The following CARMIL1 variants were observed in gnomAD, a reference collection of about 807,000 sequenced individuals.
CARMIL1 encodes capping protein regulator and myosin 1 linker 1.
A neutral mutation model predicts 177.1 loss-of-function variants in CARMIL1; 90 were observed. The ratio of observed to expected loss-of-function variants is 0.51; its 90% CI spans 0.43 to 0.61. The LOEUF is 0.61. CARMIL1 is among the 20% of genes least tolerant of loss of function. The probability of loss-of-function intolerance (pLI) is 0.00; values close to 1 mark genes in which losing one functional copy is unlikely to be tolerated. For synonymous variants in CARMIL1, 577 were observed against 606.2 expected, an observed-to-expected ratio of 0.95 and a Z score of 0.71; for missense variants, 1,380 against 1,667.0, an observed-to-expected ratio of 0.83 and a Z score of 3.00.
chr6:25,513,291 A>G (rs898737356), intron 20 of CARMIL1, among the ~76,000 whole-genome samples: 5 of 152,150 alleles, frequency 3.3e-5, no homozygotes, highest in African/African-American at 7.2e-5. Context: ...AAGTGTTTTT[A>G]GTTGTCATTT....
intron 2 of CARMIL1, among the ~76,000 whole-genome samples, chr6:25,293,265 G>GGGGTGTGTGT (rs758708389): frequency 7.4e-6 from 1 of 134,300 alleles, no homozygotes; most frequent in East Asian, 2.2e-4. Context: ...AAGGATGCTT[G>GGGGTGTGTGT]GTGTGTGTGT....
chr6:25,513,468 A>G (rs1805649365), intron 20 of CARMIL1, among the ~76,000 whole-genome samples: 1 of 152,140 alleles, frequency 6.6e-6, no homozygotes, highest in Non-Finnish European at 1.5e-5. Flanking sequence ...TTACCTTTTG[A>G]TTTTACCATA....
intron 11 of CARMIL1, among the ~76,000 whole-genome samples, chr6:25,474,366 C>G (rs866731835): frequency 1.3e-5 from 2 of 152,042 alleles, no homozygotes. Flanking sequence ...CCACCCACCT[C>G]GGCCTCCCAA....
At chr6:25,396,180 T>A (rs56125342) in intron 2 of CARMIL1, among the ~76,000 whole-genome samples, 63,454 of 151,558 alleles carry the variant, frequency 0.42, 13,450 homozygotes, top group Middle Eastern at 0.58. Flanking sequence ...TTTTTTTTTT[T>A]AAGACTGTCT....
intron 2 of CARMIL1, among the ~76,000 whole-genome samples, chr6:25,333,106 CA>C (rs1297894847): frequency 6.6e-6 from 1 of 152,166 alleles, no homozygotes; most frequent in Non-Finnish European, 1.5e-5. Context: ...CCCAGAAAAG[CA>C]GAGATTCTAC....
At chr6:25,508,435 G>T (rs1048125483) in intron 17 of CARMIL1, among the ~76,000 whole-genome samples, 2 of 152,194 alleles carry the variant, frequency 1.3e-5, no homozygotes, top group Admixed American at 6.5e-5. Context: ...GGTGGCACAT[G>T]CCTGTAATTC....
chr6:25,620,063 TGTA>T lies in CARMIL1; in HGVS notation c.*481_*483del, dbSNP rs1405192873. 3 of 152,858 alleles carry T rather than the reference TGTA, an allele frequency of 2.0e-5. No homozygotes were observed. Among genetic ancestry groups the T allele is most frequent in the African/African-American group, 7.2e-5 (3 of 41,470 alleles). 9.5% of individuals were successfully genotyped at this position (152,858 alleles called of 1,614,324 possible). ...ACTCAATATAGCAATTTATTCTTGATGTATGCAATTGCACATTGTAATTATATT... is the reference window on the plus strand; with the variant it reads ...ACTCAATATAGCAATTTATTCTTGATTGCAATTGCACATTGTAATTATATT... On this transcript the variant is annotated 3_prime_UTR_variant, in exon 37 of 37. Transcript: ENST00000329474.
rs375199261 is a variant in CARMIL1, at chr6:25,381,901, G to A, written c.139-38213G>A. Among the ~76,000 whole-genome samples, 10 of 151,860 alleles carry A rather than the reference G, an allele frequency of 6.6e-5. No individual in the cohort carries two copies. The East Asian group carries it at 7.8e-4, about 12-fold the overall frequency. The stretch of plus-strand genomic sequence containing the variant: ...GCTGAAAGTTCATTCCTCAAATTTC[G>A]TGGTTGGTTCCCCTGGCAACCACCA... On this transcript the variant is annotated intron_variant, in intron 2 of 36. Coordinates refer to ENST00000329474, the MANE Select transcript of CARMIL1 (RefSeq NM_017640.6).
chr6:25,510,491 C>T lies in CARMIL1; in HGVS notation c.1478-16C>T. ...CACATGTGTTTTGATGTTCTACTTACTCTGATTCTTTCCAGGTTTAGAATC... is the reference window on the plus strand; with the variant it reads ...CACATGTGTTTTGATGTTCTACTTATTCTGATTCTTTCCAGGTTTAGAATC... On this transcript the variant is annotated splice_polypyrimidine_tract_variant and intron_variant, in intron 18 of 36. Transcript: ENST00000329474. 7.1e-6 allele frequency: 10 copies of T among 1,415,690 alleles called. No individual in the cohort carries two copies. The highest frequency in any genetic ancestry group is 9.7e-6 in the Non-Finnish European group (10 of 1,033,844). The allele number at this position is 1,415,690 out of a possible 1,614,324, so 87.7% of individuals were successfully genotyped here.
chr6:25,561,973 C>T (rs1227559402), intron 29 of CARMIL1, among the ~76,000 whole-genome samples: 1 of 152,030 alleles, frequency 6.6e-6, no homozygotes, highest in Non-Finnish European at 1.5e-5. Context: ...CTGAGTCCAA[C>T]GAAAATGGTT....
At chr6:25,617,500 T>A (rs1227522552) in intron 36 of CARMIL1, among the ~76,000 whole-genome samples, 5 of 152,220 alleles carry the variant, frequency 3.3e-5, no homozygotes, top group Non-Finnish European at 2.9e-5. Flanking sequence ...GTGTATTATA[T>A]TTGTTTCTTC....
chr6:25,450,071 A>G, intron 6 of CARMIL1, 76 bp downstream of exon 6: 1 of 1,221,594 alleles, frequency 8.2e-7, no homozygotes, highest in Non-Finnish European at 1.1e-6. Context: ...GTCTATTCCT[A>G]GTGTGCTACT....
chr6:25,443,694 C>G (rs898295801), intron 5 of CARMIL1, among the ~76,000 whole-genome samples: 6 of 152,126 alleles, frequency 3.9e-5, no homozygotes. Context: ...GTCACCTGAG[C>G]CTTCAGTGAA....
intron 8 of CARMIL1, among the ~76,000 whole-genome samples, chr6:25,464,927 G>C (rs1393092339): frequency 6.6e-6 from 1 of 152,130 alleles, no homozygotes; most frequent in African/African-American, 2.4e-5. Flanking sequence ...GGGATGAGTT[G>C]TGGGAGCTTA....
At chr6:25,519,009 TTGTC>T (rs1357842889) in intron 22 of CARMIL1, among the ~76,000 whole-genome samples, 1 of 152,178 alleles carries the variant, frequency 6.6e-6, no homozygotes, top group African/African-American at 2.4e-5. Context: ...AGCTTTCTCT[TTGTC>T]TGATTATTTT....
intron 1 of CARMIL1, among the ~76,000 whole-genome samples, chr6:25,280,119 G>T (rs1357757081): frequency 6.6e-6 from 1 of 152,180 alleles, no homozygotes; most frequent in East Asian, 1.9e-4. Context: ...CTCTTGCCCG[G>T]AAGCGGGGAT....
intron 26 of CARMIL1, among the ~76,000 whole-genome samples, chr6:25,542,088 T>G (rs544175368): frequency 6.6e-6 from 1 of 152,376 alleles, no homozygotes; most frequent in Admixed American, 6.5e-5. Flanking sequence ...AAAGTATTTG[T>G]AAGAACTTAT....
At chr6:25,438,977 G>A (rs1352063918) in intron 5 of CARMIL1, among the ~76,000 whole-genome samples, 1 of 152,110 alleles carries the variant, frequency 6.6e-6, no homozygotes, top group African/African-American at 2.4e-5. Context: ...AAAGGTAGCA[G>A]CATTAGGTAT....
chr6:25,327,854 A>G (rs1785270349), intron 2 of CARMIL1, among the ~76,000 whole-genome samples: 2 of 152,222 alleles, frequency 1.3e-5, no homozygotes, highest in African/African-American at 4.8e-5. Context: ...AAGAACAAAA[A>G]CAGATTTATA....
Sources: gnomAD v4.1 joint callset for allele counts (sites outside exome capture counted in the v4.1 genomes callset) on GRCh38, gnomAD v4.1.1 for gene constraint, MANE v1.5 for transcripts, NCBI Gene and HGNC (gene_info 2026-07-23, HGNC 2026-07-21) for gene names.